The following DERA variants were observed in gnomAD, a reference collection of about 807,000 sequenced individuals.
DERA encodes 2-deoxy-D-ribose 5-phosphate aldolase.
A neutral mutation model predicts 41.1 loss-of-function variants in DERA; 15 were observed. The ratio of observed to expected loss-of-function variants is 0.37; its 90% confidence interval spans 0.24 to 0.56. The LOEUF is 0.56. Ranked by LOEUF, DERA falls within the 20% of genes least tolerant of loss-of-function variation. The pLI is 0.81. For missense variants in DERA, 396 were observed against 403.4 expected, an observed-to-expected ratio of 0.98 and a Z score of 0.16; for synonymous variants, 139 against 137.4, an observed-to-expected ratio of 1.01 and a Z score of -0.08.
In DERA at chr12:15,956,880, G is replaced by A. The variant is rs756295202; in HGVS notation, c.32-56G>A. On this transcript the variant is annotated intron_variant, in intron 1 of 8. Coordinates refer to ENST00000428559, the MANE Select transcript of DERA (RefSeq NM_015954.4). Reference sequence around the variant, plus strand: ...CCTTTCAAGGACCATGTAAAAATAGGTGACTATATTTAATGAAACTTTAGG... The same window carrying A: ...CCTTTCAAGGACCATGTAAAAATAGATGACTATATTTAATGAAACTTTAGG... 7 of 1,217,012 alleles carry A rather than the reference G, an allele frequency of 5.8e-6. 1 individual carries two copies. The South Asian group carries it at 7.2e-5, about 13-fold the overall frequency. The allele number at this position is 1,217,012 out of a possible 1,614,324, so 75.4% of individuals were successfully genotyped here.
chr12:15,997,309 T>C (rs1781383916), intron 6 of DERA, among the ~76,000 whole-genome samples: 1 of 152,146 alleles, frequency 6.6e-6, no homozygotes, highest in Admixed American at 6.5e-5. Context: ...TTTCTTTATT[T>C]GCTGTTTAAA....
At chr12:15,934,502 C>G (rs1948351623) in intron 1 of DERA, among the ~76,000 whole-genome samples, 1 of 151,996 alleles carries the variant, frequency 6.6e-6, no homozygotes. Context: ...AGGAGAATTG[C>G]TTGAACCTGG....
chr12:15,941,972 C>A lies in DERA; in HGVS notation c.32-14964C>A, dbSNP rs1404900701. ...TGTAGTGGTTGTACTAATTTACATT[C>A]CCATCACCAATGTAAAAGTGTTCCC... On this transcript the variant is annotated intron_variant, in intron 1 of 8. Coordinates refer to ENST00000428559, the MANE Select transcript of DERA (RefSeq NM_015954.4). This position sits in a 1 kb window ranked among gnomAD's most constrained non-coding sequence, Gnocchi z 4.5. 6.6e-6 allele frequency among the ~76,000 whole-genome samples: 1 copy of A among 152,150 alleles called. No individual in the cohort carries two copies. Among genetic ancestry groups the A allele is most frequent in the Admixed American group, 6.5e-5 (1 of 15,274 alleles).
Position 15,959,750 on chromosome 12 carries a change from C to T in DERA, c.278-79C>T, listed in dbSNP as rs1410455223. ...TCTCATTTGATTTTTGCCAGTGTTG[C>T]GATATAAATAATAATTAAAAGCATG... On this transcript the variant is annotated intron_variant, in intron 3 of 8. Transcript: ENST00000428559. This position sits in a 1 kb window ranked among gnomAD's most constrained non-coding sequence, Gnocchi z 4.5. 11 of 926,878 alleles carry T rather than the reference C, an allele frequency of 1.2e-5. No individual in the cohort carries two copies. Among genetic ancestry groups the T allele is most frequent in the South Asian group, 5.6e-5 (3 of 53,758 alleles). The allele number at this position is 926,878 out of a possible 1,614,324, so 57.4% of individuals were successfully genotyped here.
Position 16,036,700 on chromosome 12 carries a change from A to G in DERA, c.911A>G (p.His304Arg), listed in dbSNP as rs1949131343. The change falls in exon 9 of 9, where the codon CAT becomes CGT. Residue 304 changes from histidine to arginine, a missense_variant. Physicochemically the swap from His to Arg is conservative, Grantham distance 29 (BLOSUM62 0). Coordinates refer to ENST00000428559, the MANE Select transcript of DERA (RefSeq NM_015954.4). The surrounding 1 kb of genome is among the most constrained non-coding windows in gnomAD (Gnocchi z 4.9). ...LSDIERQIYH[H>R]VTGRYAAYHD... ...TGCTTTTCCTCACAGATTTACCATCATGTGACTGGAAGATATGCAGCTTAT... is the reference window on the plus strand; with the variant it reads ...TGCTTTTCCTCACAGATTTACCATCGTGTGACTGGAAGATATGCAGCTTAT... The G allele has an allele frequency of 6.2e-7, 1 of 1,603,240 alleles. No individual in the cohort carries two copies. Among genetic ancestry groups the G allele is most frequent in the African/African-American group, 1.3e-5 (1 of 74,342 alleles).
Position 15,986,280 on chromosome 12 carries a change from A to G in DERA, c.637+3844A>G, listed in dbSNP as rs1040501164. Among the ~76,000 whole-genome samples the G allele has an allele frequency of 1.4e-4, 22 of 152,146 alleles. 1 individual carries two copies. The highest frequency in any genetic ancestry group is 2.8e-4 in the Non-Finnish European group (19 of 68,006). ...CTTGTAGGCATTTCTTTTCTAATCT[A>G]TTATGACAGTTTCTACTTTTTAGAG... On this transcript the variant is annotated intron_variant, in intron 6 of 8. Coordinates refer to ENST00000428559, the MANE Select transcript of DERA (RefSeq NM_015954.4).
chr12:15,986,186 G>T (rs954888710), intron 6 of DERA, among the ~76,000 whole-genome samples: 3 of 151,990 alleles, frequency 2.0e-5, no homozygotes, highest in African/African-American at 7.2e-5. Flanking sequence ...TTTAATACTT[G>T]CATGGTATAT....
At chr12:15,947,119 A>G (rs1351308223) in intron 1 of DERA, among the ~76,000 whole-genome samples, 2 of 152,178 alleles carry the variant, frequency 1.3e-5, no homozygotes, top group Non-Finnish European at 2.9e-5. Flanking sequence ...GGAGTGCTTT[A>G]CTTCCAACTA....
intron 6 of DERA, among the ~76,000 whole-genome samples, chr12:16,005,843 T>C (rs993264297): frequency 3.9e-5 from 6 of 152,224 alleles, no homozygotes; most frequent in African/African-American, 1.2e-4. Context: ...TAGAAGATTA[T>C]GCTCTGTGGG....
chr12:15,939,205 G>A (rs1044248196), intron 1 of DERA, among the ~76,000 whole-genome samples: 8 of 152,122 alleles, frequency 5.3e-5, no homozygotes, highest in Non-Finnish European at 1.0e-4. Context: ...TCTTCCAGCC[G>A]TACCCTTCAA....
chr12:15,963,116 C>G (rs938092506), intron 5 of DERA, among the ~76,000 whole-genome samples, 169 bp downstream of exon 5: 1 of 152,224 alleles, frequency 6.6e-6, no homozygotes, highest in Non-Finnish European at 1.5e-5. Context: ...TTGTGCCCCT[C>G]ATAAATCTAG....
chr12:15,955,300 A>G (rs1294927514), intron 1 of DERA, among the ~76,000 whole-genome samples: 1 of 151,484 alleles, frequency 6.6e-6, no homozygotes, highest in Non-Finnish European at 1.5e-5. Context: ...GTGTCTGAAA[A>G]AAAAAAAAAA....
rs1006568269 is a variant in DERA at position 15,938,734 on chromosome 12, A to G, written c.32-18202A>G. ...TACCAGAAATGTTTTCACAGCTAATATATTTTTGCCTCCATTCTGAGACAA... is the reference window on the plus strand; with the variant it reads ...TACCAGAAATGTTTTCACAGCTAATGTATTTTTGCCTCCATTCTGAGACAA... On this transcript the variant is annotated intron_variant, in intron 1 of 8. Coordinates refer to ENST00000428559, the MANE Select transcript of DERA (RefSeq NM_015954.4). This position sits in a 1 kb window ranked among gnomAD's most constrained non-coding sequence, Gnocchi z 4.1. Among the ~76,000 whole-genome samples the G allele has an allele frequency of 6.6e-6, 1 of 152,330 alleles. No homozygotes were observed. Among genetic ancestry groups the G allele is most frequent in the East Asian group, 1.9e-4 (1 of 5,186 alleles).
rs1948385217 is a variant in DERA, at chr12:15,938,181, G to C, written c.32-18755G>C. On this transcript the variant is annotated intron_variant, in intron 1 of 8. Transcript: ENST00000428559. This position sits in a 1 kb window ranked among gnomAD's most constrained non-coding sequence, Gnocchi z 4.1. ...GGAAGACTTAGTGGTTGAGGAGCTG[G>C]AGAAAGTTGCTCAGAAATGACATTG... Among the ~76,000 whole-genome samples, 1 of 152,186 alleles carries C rather than the reference G, an allele frequency of 6.6e-6. No individual in the cohort carries two copies. The highest frequency in any genetic ancestry group is 1.5e-5 in the Non-Finnish European group (1 of 68,036).
In DERA at chr12:16,004,495, T is replaced by C. The variant is rs1285345986; in HGVS notation, c.637+22059T>C. On this transcript the variant is annotated intron_variant, in intron 6 of 8. Coordinates refer to ENST00000428559, the MANE Select transcript of DERA (RefSeq NM_015954.4). The surrounding 1 kb of genome is among the most constrained non-coding windows in gnomAD (Gnocchi z 4.2). Reference sequence around the variant, plus strand: ...ACAATTCTTAATTTTTCTTAGTACATTGAAAAAAATTAAAGCTAGTAAGGA... The same window carrying C: ...ACAATTCTTAATTTTTCTTAGTACACTGAAAAAAATTAAAGCTAGTAAGGA... 2.0e-5 allele frequency among the ~76,000 whole-genome samples: 3 copies of C among 152,112 alleles called. No homozygotes were observed. Among genetic ancestry groups the C allele is most frequent in the African/African-American group, 4.8e-5 (2 of 41,430 alleles).
rs768342726 is a variant in DERA at position 16,032,585 on chromosome 12, T to C, written c.681T>C (p.Asn227=). 3.5e-5 allele frequency: 55 copies of C among 1,565,168 alleles called. No homozygotes were observed. The highest frequency in any genetic ancestry group is 4.6e-5 in the Non-Finnish European group (53 of 1,154,736). Residue 227 remains asparagine, a synonymous_variant, in exon 7 of 9, where the codon AAT becomes AAC. Transcript: ENST00000428559. ...CCTCTACTGGAAAAGAAACAGTAAATGCCACCTTCCCGGTAGCTATAGTAA... is the reference window on the plus strand; with the variant it reads ...CCTCTACTGGAAAAGAAACAGTAAACGCCACCTTCCCGGTAGCTATAGTAA... ...IKTSTGKETV[N]ATFPVAIVML...
rs1000735373 is a variant in DERA, at chr12:15,996,236, A to G, written c.637+13800A>G. ...AATCCAGTATACACAGGGCCCCAAA[A>G]TATAGAAAACATGGGAAAAGAGGAG... On this transcript the variant is annotated intron_variant, in intron 6 of 8. Coordinates refer to ENST00000428559, the MANE Select transcript of DERA (RefSeq NM_015954.4). This position sits in a 1 kb window ranked among gnomAD's most constrained non-coding sequence, Gnocchi z 4.7. Among the ~76,000 whole-genome samples the G allele has an allele frequency of 1.3e-5, 2 of 151,784 alleles. No homozygotes were observed. Among genetic ancestry groups the G allele is most frequent in the Non-Finnish European group, 2.9e-5 (2 of 67,926 alleles).
In DERA at chr12:15,928,538, T is replaced by A. The variant is rs1948303932; in HGVS notation, c.31+17124T>A. Among the ~76,000 whole-genome samples the A allele has an allele frequency of 6.6e-6, 1 of 152,198 alleles. No individual in the cohort carries two copies. Among genetic ancestry groups the A allele is most frequent in the African/African-American group, 2.4e-5 (1 of 41,454 alleles). On this transcript the variant is annotated intron_variant, in intron 1 of 8. Coordinates refer to ENST00000428559, the MANE Select transcript of DERA (RefSeq NM_015954.4). The surrounding 1 kb of genome is among the most constrained non-coding windows in gnomAD (Gnocchi z 4.6). ...CTGAGATCACCCTGTTTGGACTACT[T>A]AACCCTTGAGTCATTGAGCCAGCTG...
intron 1 of DERA, among the ~76,000 whole-genome samples, chr12:15,919,021 A>G (rs1948222202): frequency 6.6e-6 from 1 of 152,220 alleles, no homozygotes; most frequent in African/African-American, 2.4e-5. Context: ...AAATACATAC[A>G]CAGAGTCAAT....
Sources: allele counts gnomAD v4.1 joint callset (sites outside exome capture counted in the v4.1 genomes callset), GRCh38; gene constraint gnomAD v4.1.1; non-coding constraint Gnocchi (gnomAD v3.1); transcripts MANE v1.5; gene names NCBI Gene and HGNC (gene_info 2026-07-23, HGNC 2026-07-21).